FNIP2: variants seen among roughly 807,000 people sequenced by gnomAD.
FNIP2 encodes the protein folliculin interacting protein 2.
FNIP2 carries 32 observed loss-of-function variants against 108.7 expected under a neutral mutation model. That is an observed-to-expected ratio of 0.29 (90% CI 0.22 to 0.40). The LOEUF (loss-of-function observed/expected upper bound fraction) is 0.40, where lower values mean the gene tolerates loss of function less well. Ranked by LOEUF, FNIP2 falls within the 10% of genes least tolerant of loss-of-function variation. The probability of loss-of-function intolerance (pLI) is 1.00; values close to 1 mark genes in which losing one functional copy is unlikely to be tolerated. For missense variants in FNIP2, 1,202 were observed against 1,381.6 expected, an observed-to-expected ratio of 0.87 and a Z score of 2.06; for synonymous variants, 480 against 496.7, an observed-to-expected ratio of 0.97 and a Z score of 0.45.
At chr4:158,848,803 T>C (rs1779543066) in intron 7 of FNIP2, among the ~76,000 whole-genome samples, 1 of 152,130 alleles carries the variant, frequency 6.6e-6, no homozygotes, top group South Asian at 2.1e-4. Flanking sequence ...CAAGCAGAAA[T>C]TCTGGAGTTG....
intron 1 of FNIP2, among the ~76,000 whole-genome samples, chr4:158,801,034 C>A (rs1256382152): frequency 6.6e-6 from 1 of 152,020 alleles, no homozygotes; most frequent in East Asian, 1.9e-4. Flanking sequence ...AAATTATTTC[C>A]CAGGTAGTTC....
chr4:158,894,464 G>A (rs1782508350), intron 15 of FNIP2, among the ~76,000 whole-genome samples: 2 of 152,076 alleles, frequency 1.3e-5, no homozygotes, highest in South Asian at 2.1e-4. Flanking sequence ...GAGCCACTAT[G>A]ACTGGCTAAA....
In FNIP2 at chr4:158,769,244, A is replaced by G. The variant is rs1775608619; in HGVS notation, c.32A>G (p.Asn11Ser). ...CCGACCCTGCTCCAGAAGCTCTTCA[A>G]CAAAAGGGGCAGCAGCGGCAGCTCC... is the stretch of plus-strand genomic sequence containing the variant. MAPTLLQKLF[N>S]KRGSSGSSAA... The change falls in exon 1 of 17, where the codon AAC becomes AGC. Residue 11 changes from asparagine to serine, a missense_variant. Physicochemically the swap from Asn to Ser is conservative, Grantham distance 46 (BLOSUM62 1). This residue lies in a region of FNIP2 where 173 missense variants were observed against 165.9 expected (regional missense o/e 1.04). Transcript: ENST00000264433. 1.2e-5 allele frequency: 18 copies of G among 1,533,816 alleles called. No individual in the cohort carries two copies. The highest frequency in any genetic ancestry group is 1.6e-5 in the Non-Finnish European group (18 of 1,144,728).
At chr4:158,883,879 G>A (rs1781862916) in intron 14 of FNIP2, among the ~76,000 whole-genome samples, 1 of 151,596 alleles carries the variant, frequency 6.6e-6, no homozygotes, top group African/African-American at 2.4e-5. Flanking sequence ...GAGACTCATT[G>A]GGCTAAAAGT....
intron 1 of FNIP2, among the ~76,000 whole-genome samples, chr4:158,779,110 G>A (rs1251682253): frequency 2.6e-5 from 4 of 152,170 alleles, no homozygotes; most frequent in African/African-American, 7.2e-5. Context: ...TTCAACATGT[G>A]TGCAGATTGT....
At chr4:158,847,068 G>C (rs1368093509) in intron 7 of FNIP2, among the ~76,000 whole-genome samples, 1 of 152,214 alleles carries the variant, frequency 6.6e-6, no homozygotes, top group Non-Finnish European at 1.5e-5. Context: ...CTAGCCAGAA[G>C]GAAGCGCCCA....
At chr4:158,805,168 T>C (rs1019030493) in intron 1 of FNIP2, among the ~76,000 whole-genome samples, 2 of 152,180 alleles carry the variant, frequency 1.3e-5, no homozygotes, top group Admixed American at 1.3e-4. Context: ...TAAAAATTGC[T>C]GAAGCCAAAG....
intron 1 of FNIP2, among the ~76,000 whole-genome samples, chr4:158,809,784 A>G (rs1777174402): frequency 6.6e-6 from 1 of 152,360 alleles, no homozygotes; most frequent in African/African-American, 2.4e-5. Context: ...TTACAGTTTC[A>G]TATCTTGAAA....
intron 14 of FNIP2, among the ~76,000 whole-genome samples, chr4:158,875,487 T>A (rs1311301448): frequency 7.2e-6 from 1 of 139,358 alleles, no homozygotes; most frequent in East Asian, 2.1e-4. Flanking sequence ...GTAGCACAGA[T>A]AAAGAGCTTT....
intron 14 of FNIP2, 69 bp downstream of exon 14, chr4:158,870,538 G>C: frequency 6.5e-7 from 1 of 1,530,112 alleles, no homozygotes; most frequent in Non-Finnish European, 8.9e-7. Flanking sequence ...CTGACAACAG[G>C]TGTTTAGACT....
At chr4:158,847,040 G>A (rs1292180675) in intron 7 of FNIP2, among the ~76,000 whole-genome samples, 6 of 152,150 alleles carry the variant, frequency 3.9e-5, no homozygotes, top group Admixed American at 1.3e-4. Flanking sequence ...TGGTGCCCAC[G>A]GAGCACTTAC....
chr4:158,858,944 A>T, intron 8 of FNIP2, 113 bp from the exon 9 acceptor site: 1 of 798,450 alleles, frequency 1.3e-6, no homozygotes, highest in Non-Finnish European at 2.0e-6. Flanking sequence ...CTAAAGGCAG[A>T]GATACTCTTA....
chr4:158,792,880 A>G (rs1776466470), intron 1 of FNIP2, among the ~76,000 whole-genome samples: 2 of 152,122 alleles, frequency 1.3e-5, no homozygotes, highest in South Asian at 4.1e-4. Context: ...TGAAGGATAG[A>G]ATGAGGTAGG....
rs2126815809 is a variant in FNIP2 at position 158,905,734 on chromosome 4, A to C, written c.*1190A>C. On this transcript the variant is annotated 3_prime_UTR_variant, in exon 17 of 17. Transcript: ENST00000264433. ...AACAACCTAATTTTCTGTTAATATA[A>C]AAGAAACTTCAGTTTACTGACCGTG... 6.6e-6 allele frequency: 1 copy of C among 152,252 alleles called. No homozygotes were observed. Among genetic ancestry groups the C allele is most frequent in the South Asian group, 2.1e-4 (1 of 4,820 alleles). The allele number at this position is 152,252 out of a possible 1,614,324, so 9.4% of individuals were successfully genotyped here. A position where few individuals can be genotyped will look rare whatever the true frequency, so the allele number is the denominator to read the frequency against.
At position 158,769,099 on chromosome 4, in the gene FNIP2, A is replaced by G. The variant is rs962851537; in HGVS notation, c.-114A>G. 1 of 254,314 alleles carries G rather than the reference A, an allele frequency of 3.9e-6. No individual in the cohort carries two copies. Among genetic ancestry groups the G allele is most frequent in the African/African-American group, 2.3e-5 (1 of 42,728 alleles). The allele number at this position is 254,314 out of a possible 1,614,324, so 15.8% of individuals were successfully genotyped here. On this transcript the variant is annotated 5_prime_UTR_variant, in exon 1 of 17. Transcript: ENST00000264433. ...AGTCGCAGCGGCCCCGCGCTCCCGC[A>G]AGGCTGGGCGGCCGCGCCGCCGCGA...
intron 10 of FNIP2, among the ~76,000 whole-genome samples, chr4:158,860,496 T>C (rs1250997599): frequency 6.6e-6 from 1 of 152,058 alleles, no homozygotes; most frequent in Admixed American, 6.5e-5. Flanking sequence ...AAGACTTAAG[T>C]CATATATTTG....
chr4:158,845,180 T>C lies in FNIP2; in HGVS notation c.728-6141T>C, dbSNP rs543996915. Among the ~76,000 whole-genome samples, 149 of 152,302 alleles carry C rather than the reference T, an allele frequency of 9.8e-4. 1 individual carries two copies. The highest frequency in any genetic ancestry group is 3.4e-3 in the Middle Eastern group (1 of 294). On this transcript the variant is annotated intron_variant, in intron 7 of 16. Coordinates refer to ENST00000264433, the MANE Select transcript of FNIP2 (RefSeq NM_020840.3). ...AAGCTCCTAAAAATATTAAGGAACA[T>C]TTAGATATAGCACTTTTGAAACTGA... is the stretch of plus-strand genomic sequence containing the variant.
chr4:158,797,745 G>A (rs951204047), intron 1 of FNIP2, among the ~76,000 whole-genome samples: 12 of 152,092 alleles, frequency 7.9e-5, no homozygotes, highest in South Asian at 2.1e-4. Flanking sequence ...ACCAGGCTTC[G>A]ATTAGGGTGG....
At chr4:158,845,965 T>C (rs574625328) in intron 7 of FNIP2, among the ~76,000 whole-genome samples, 1 of 152,386 alleles carries the variant, frequency 6.6e-6, no homozygotes, top group African/African-American at 2.4e-5. Context: ...TTTTGCCTTC[T>C]CTTGTTATGT....
Sources: allele counts gnomAD v4.1 joint callset (sites outside exome capture counted in the v4.1 genomes callset), GRCh38; gene constraint gnomAD v4.1.1; regional missense constraint gnomAD v4.1.1; transcripts MANE v1.5; gene names NCBI Gene and HGNC (gene_info 2026-07-23, HGNC 2026-07-21).